PLD5: variants seen among roughly 807,000 people sequenced by gnomAD.
PLD5 encodes the protein inactive phospholipase D5.
A neutral mutation model predicts 61.1 loss-of-function variants in PLD5; 36 were observed. The ratio of observed to expected loss-of-function variants is 0.59; its 90% CI spans 0.45 to 0.78. PLD5 has a LOEUF of 0.78. Ranked by LOEUF, PLD5 falls within the 30% of genes least tolerant of loss-of-function variation. PLD5 has a pLI of 0.00. For missense variants in PLD5, 515 were observed against 644.4 expected, an observed-to-expected ratio of 0.80 and a Z score of 2.17; for synonymous variants, 243 against 242.8, an observed-to-expected ratio of 1.00 and a Z score of -0.01.
At chr1:242,526,292 G>A (rs78416711), upstream of PLD5, among the ~76,000 whole-genome samples, 4,088 of 152,246 alleles carry the variant, frequency 0.027, 176 homozygotes, top group African/African-American at 0.094. Context: ...AGGCTGAGGC[G>A]GGAGGATCGC....
intron 5 of PLD5, among the ~76,000 whole-genome samples, chr1:242,148,477 C>T (rs537232931): frequency 6.6e-5 from 10 of 151,520 alleles, no homozygotes; most frequent in Middle Eastern, 3.4e-3. Flanking sequence ...TAATTCTTTG[C>T]CCTTTCTAAA....
At chr1:242,215,335 A>G (rs1252265458) in intron 5 of PLD5, among the ~76,000 whole-genome samples, 2 of 152,100 alleles carry the variant, frequency 1.3e-5, no homozygotes, top group Non-Finnish European at 2.9e-5. Flanking sequence ...ATAACCCCCA[A>G]GGACAAGCCA....
chr1:242,131,959 C>T (rs1269847181), intron 5 of PLD5, among the ~76,000 whole-genome samples: 6 of 151,062 alleles, frequency 4.0e-5, no homozygotes, highest in East Asian at 3.9e-4. Context: ...CTCAGCCTCC[C>T]GAGTAGCTGG....
chr1:242,439,308 C>T (rs1666162046), intron 1 of PLD5, among the ~76,000 whole-genome samples: 1 of 152,142 alleles, frequency 6.6e-6, no homozygotes, highest in Non-Finnish European at 1.5e-5. Context: ...GTTATCTTTG[C>T]CATCTTCAAC....
intron 3 of PLD5, among the ~76,000 whole-genome samples, chr1:242,279,058 T>C (rs1674569050): frequency 6.6e-6 from 1 of 152,236 alleles, no homozygotes; most frequent in Admixed American, 6.5e-5. Context: ...TCCATTTTGT[T>C]ACTGGTGGTA....
chr1:242,161,347 A>C (rs1317247819), intron 5 of PLD5, among the ~76,000 whole-genome samples: 1 of 152,234 alleles, frequency 6.6e-6, no homozygotes, highest in African/African-American at 2.4e-5. Context: ...TACCATGAGA[A>C]CAGCATGGGA....
intron 2 of PLD5, among the ~76,000 whole-genome samples, chr1:242,292,862 A>G (rs2149144407): frequency 6.6e-6 from 1 of 152,232 alleles, no homozygotes; most frequent in Admixed American, 6.5e-5. Flanking sequence ...TTATAAATGT[A>G]TTTCTAAAAA....
At chr1:242,321,309 CTTT>C (rs1338641030) in intron 2 of PLD5, among the ~76,000 whole-genome samples, 2 of 144,336 alleles carry the variant, frequency 1.4e-5, no homozygotes, top group African/African-American at 2.5e-5. Flanking sequence ...CTCTCTCTCT[CTTT>C]TTTTTTTTTG....
At chr1:242,343,222 C>G (rs1325818983) in intron 2 of PLD5, among the ~76,000 whole-genome samples, 1 of 151,542 alleles carries the variant, frequency 6.6e-6, no homozygotes, top group African/African-American at 2.4e-5. Flanking sequence ...AAGTGAGGAG[C>G]GCTACACACA....
chr1:242,410,223 C>T (rs551893541), intron 1 of PLD5, among the ~76,000 whole-genome samples: 1 of 152,062 alleles, frequency 6.6e-6, no homozygotes, highest in Non-Finnish European at 1.5e-5. Flanking sequence ...GGAAGAATAG[C>T]ATGTCCATGC....
At chr1:242,483,855 C>G (rs554267820) in intron 1 of PLD5, among the ~76,000 whole-genome samples, 94 of 152,198 alleles carry the variant, frequency 6.2e-4, no homozygotes, top group African/African-American at 2.2e-3. Context: ...TTACAACAAA[C>G]TGTCTCTCAG....
intron 5 of PLD5, among the ~76,000 whole-genome samples, chr1:242,127,867 C>T (rs941272248): frequency 2.6e-5 from 4 of 152,080 alleles, no homozygotes; most frequent in Non-Finnish European, 5.9e-5. Flanking sequence ...TAGGCCTCCA[C>T]GAAAGCAGAT....
At chr1:242,296,139 G>A (rs1264382903) in intron 2 of PLD5, among the ~76,000 whole-genome samples, 1 of 152,162 alleles carries the variant, frequency 6.6e-6, no homozygotes, top group Non-Finnish European at 1.5e-5. Context: ...CTGCTTCATA[G>A]TAAACCCATG....
chr1:242,475,579 T>C (rs77361073), intron 1 of PLD5, among the ~76,000 whole-genome samples: 6,536 of 152,144 alleles, frequency 0.043, 226 homozygotes, highest in Non-Finnish European at 0.057. Flanking sequence ...GGAGCATCTT[T>C]AGCAGAGAAA....
chr1:242,394,442 G>GAATATATA (rs1663259890), intron 1 of PLD5, among the ~76,000 whole-genome samples: 1 of 103,714 alleles, frequency 9.6e-6, no homozygotes, highest in African/African-American at 4.2e-5. Context: ...GAGTATATAT[G>GAATATATA]TGTGTATATG....
intron 8 of PLD5, among the ~76,000 whole-genome samples, chr1:242,103,074 C>T (rs1660803969): frequency 6.6e-6 from 1 of 152,088 alleles, no homozygotes; most frequent in African/African-American, 2.4e-5. Flanking sequence ...CGTGACTTGG[C>T]CAGAGGAGAA....
intron 1 of PLD5, among the ~76,000 whole-genome samples, chr1:242,492,071 T>C (rs571402178): frequency 6.6e-6 from 1 of 152,314 alleles, no homozygotes; most frequent in African/African-American, 2.4e-5. Context: ...ATTTTCCTCA[T>C]AGTCTACTAA....
intron 2 of PLD5, among the ~76,000 whole-genome samples, chr1:242,331,216 G>T (rs1659149062): frequency 6.6e-6 from 1 of 152,188 alleles, no homozygotes; most frequent in Non-Finnish European, 1.5e-5. Flanking sequence ...TTCTAGAAGA[G>T]ACGACAGTTT....
At chr1:242,459,361 C>A (rs368590105) in intron 1 of PLD5, among the ~76,000 whole-genome samples, 1 of 152,176 alleles carries the variant, frequency 6.6e-6, no homozygotes, top group Non-Finnish European at 1.5e-5. Context: ...AAGTTTTAGA[C>A]GGTATCTCTG....
Sources: allele counts gnomAD v4.1 joint callset (sites outside exome capture counted in the v4.1 genomes callset), GRCh38; gene constraint gnomAD v4.1.1; transcripts MANE v1.5; gene names NCBI Gene and HGNC (gene_info 2026-07-23, HGNC 2026-07-21).